Variants in TTC17 observed in about 807,000 individuals in gnomAD.
The protein encoded by TTC17 is tetratricopeptide repeat domain 17.
TTC17 carries 58 observed loss-of-function variants against 143.8 expected under a neutral mutation model. The observed-to-expected ratio is 0.40, with a 90% CI of 0.33 to 0.50. The LOEUF (loss-of-function observed/expected upper bound fraction) is 0.50. Ranked by LOEUF, TTC17 falls within the 20% of genes least tolerant of loss-of-function variation. TTC17 has a pLI of 0.49. For missense variants in TTC17, 1,273 were observed against 1,392.5 expected, an observed-to-expected ratio of 0.91 and a Z score of 1.37; for synonymous variants, 501 against 497.8, an observed-to-expected ratio of 1.01 and a Z score of -0.09.
chr11:43,453,534 C>G (rs1025820954), intron 21 of TTC17, among the ~76,000 whole-genome samples: 13 of 152,284 alleles, frequency 8.5e-5, no homozygotes, highest in African/African-American at 2.9e-4. Context: ...AATATAGAGT[C>G]CACAGACAAA....
intron 16 of TTC17, among the ~76,000 whole-genome samples, chr11:43,433,599 CT>C (rs1188169785): frequency 2.6e-5 from 4 of 152,102 alleles, no homozygotes; most frequent in Non-Finnish European, 5.9e-5. Flanking sequence ...TTCAGGGTCC[CT>C]TGTGCACATA....
At chr11:43,472,056 A>G (rs1222072597) in intron 21 of TTC17, among the ~76,000 whole-genome samples, 2 of 152,184 alleles carry the variant, frequency 1.3e-5, no homozygotes, top group Non-Finnish European at 2.9e-5. Context: ...AAATTAAACA[A>G]ATTTTAAAAA....
chr11:43,469,005 T>A (rs945321707), intron 21 of TTC17, among the ~76,000 whole-genome samples: 4 of 152,300 alleles, frequency 2.6e-5, no homozygotes, highest in Non-Finnish European at 2.9e-5. Context: ...TCAAAATATA[T>A]AAAGAACTAC....
chr11:43,490,154 A>ATGGT, intron 21 of TTC17, 85 bp from the exon 22 acceptor site: 1 of 1,524,898 alleles, frequency 6.6e-7, no homozygotes, highest in Non-Finnish European at 8.9e-7. Context: ...TTGAATGGTC[A>ATGGT]TGACTTGTGT....
At chr11:43,368,830 G>A (rs1398649093) in intron 1 of TTC17, among the ~76,000 whole-genome samples, 1 of 152,168 alleles carries the variant, frequency 6.6e-6, no homozygotes, top group Non-Finnish European at 1.5e-5. Context: ...CTAGAACCTG[G>A]CACCTGTCTT....
At chr11:43,438,863 A>G (rs541491975) in intron 16 of TTC17, among the ~76,000 whole-genome samples, 1 of 152,238 alleles carries the variant, frequency 6.6e-6, no homozygotes, top group East Asian at 1.9e-4. Flanking sequence ...CTCCCTCTCA[A>G]TAGTGTCCTC....
chr11:43,418,941 T>G (rs1946839097), intron 16 of TTC17, among the ~76,000 whole-genome samples: 1 of 152,186 alleles, frequency 6.6e-6, no homozygotes, highest in Non-Finnish European at 1.5e-5. Flanking sequence ...ATCTAGGCTG[T>G]CTTATATCTT....
At chr11:43,477,171 A>G (rs1360436774) in intron 21 of TTC17, among the ~76,000 whole-genome samples, 1 of 152,232 alleles carries the variant, frequency 6.6e-6, no homozygotes, top group Non-Finnish European at 1.5e-5. Context: ...CCCCATCTGC[A>G]TCTGAGACCA....
chr11:43,366,112 C>T (rs1163522447), intron 1 of TTC17, among the ~76,000 whole-genome samples: 3 of 151,956 alleles, frequency 2.0e-5, no homozygotes, highest in Non-Finnish European at 4.4e-5. Context: ...TCCCGAGTAG[C>T]TGGGACTAGT....
At chr11:43,400,573 CAG>C (rs750434841) in intron 9 of TTC17, among the ~76,000 whole-genome samples, 1 of 152,148 alleles carries the variant, frequency 6.6e-6, no homozygotes, top group Non-Finnish European at 1.5e-5. Context: ...CTCTTAAAAA[CAG>C]TGTTTTAGAA....
At chr11:43,461,983 A>G (rs1156312582) in intron 21 of TTC17, among the ~76,000 whole-genome samples, 2 of 152,168 alleles carry the variant, frequency 1.3e-5, no homozygotes, top group African/African-American at 2.4e-5. Context: ...AGATAAAGGT[A>G]CATAAAAGTA....
chr11:43,433,221 G>A (rs981841201), intron 16 of TTC17, among the ~76,000 whole-genome samples: 1 of 152,116 alleles, frequency 6.6e-6, no homozygotes, highest in Non-Finnish European at 1.5e-5. Context: ...GGATGGTCTC[G>A]ATCTCTTGAC....
At chr11:43,393,831 AC>A (rs1857479782) in intron 5 of TTC17, among the ~76,000 whole-genome samples, 1 of 152,188 alleles carries the variant, frequency 6.6e-6, no homozygotes, top group Non-Finnish European at 1.5e-5. Flanking sequence ...CTTACCACAT[AC>A]TAGGTGGCTT....
chr11:43,396,573 T>C, intron 5 of TTC17, 136 bp from the exon 6 acceptor site: 1 of 479,316 alleles, frequency 2.1e-6, no homozygotes. Flanking sequence ...CTGTTCTTTA[T>C]CATTGCTTAT....
intron 16 of TTC17, among the ~76,000 whole-genome samples, chr11:43,424,332 G>A (rs900216091): frequency 6.6e-6 from 1 of 151,806 alleles, no homozygotes; most frequent in African/African-American, 2.4e-5. Context: ...GACCTCAGGT[G>A]ATCCACCTGC....
intron 16 of TTC17, among the ~76,000 whole-genome samples, chr11:43,421,406 A>G (rs566816753): frequency 1.3e-5 from 2 of 152,328 alleles, no homozygotes; most frequent in African/African-American, 2.4e-5. Flanking sequence ...AGACCATTCT[A>G]ATAATGTGGG....
At chr11:43,402,754 A>G (rs1416167068) in intron 10 of TTC17, among the ~76,000 whole-genome samples, 1 of 152,214 alleles carries the variant, frequency 6.6e-6, no homozygotes, top group Admixed American at 6.5e-5. Flanking sequence ...TAAGCATTTC[A>G]GAAAACTGAT....
intron 2 of TTC17, among the ~76,000 whole-genome samples, chr11:43,379,733 G>A (rs1856893510): frequency 6.6e-6 from 1 of 152,116 alleles, no homozygotes; most frequent in South Asian, 2.1e-4. Flanking sequence ...TTCTCAGGTA[G>A]TAAAAACTAA....
At position 43,359,000 on chromosome 11, in the gene TTC17, T is replaced by A; in HGVS notation, c.46T>A (p.Cys16Ser). ...GVRGRYELPP[C>S]SGPGWLLSLS... ...TCGTGGCCGGTACGAGCTGCCGCCT[T>A]GCTCCGGCCCAGGCTGGCTCCTCAG... Residue 16 changes from cysteine to serine, a missense_variant, in exon 1 of 24, where the codon TGC becomes AGC. By Grantham distance (112) the Cys-to-Ser change is moderately radical. Coordinates refer to ENST00000039989, the MANE Select transcript of TTC17 (RefSeq NM_018259.6). The A allele has an allele frequency of 6.3e-7, 1 of 1,585,974 alleles. No homozygotes were observed. Among genetic ancestry groups the A allele is most frequent in the South Asian group, 1.1e-5 (1 of 88,254 alleles).
Sources: gnomAD v4.1 joint callset for allele counts (sites outside exome capture counted in the v4.1 genomes callset) on GRCh38, gnomAD v4.1.1 for gene constraint, MANE v1.5 for transcripts, NCBI Gene and HGNC (gene_info 2026-07-23, HGNC 2026-07-21) for gene names.